ASTN1: variants seen among roughly 807,000 people sequenced by gnomAD.
The protein encoded by ASTN1 is astrotactin 1.
In ASTN1, 41 loss-of-function variants were observed where a neutral mutation model predicts 140.7. That is an observed-to-expected ratio of 0.29 (90% CI 0.23 to 0.38). The LOEUF (loss-of-function observed/expected upper bound fraction) is 0.38. Ranked by LOEUF, ASTN1 falls within the 10% of genes least tolerant of loss-of-function variation. The pLI is 1.00. For synonymous variants in ASTN1, 640 were observed against 652.2 expected, an observed-to-expected ratio of 0.98 and a Z score of 0.29; for missense variants, 1,479 against 1,678.8, an observed-to-expected ratio of 0.88 and a Z score of 2.08.
chr1:177,044,738 C>T (rs770660093), intron 2 of ASTN1, among the ~76,000 whole-genome samples: 6 of 152,192 alleles, frequency 3.9e-5, no homozygotes, highest in Non-Finnish European at 5.9e-5. Flanking sequence ...CTGACAAGGC[C>T]GACATCATCC....
At chr1:176,942,823 T>C (rs1472153067) in intron 14 of ASTN1, among the ~76,000 whole-genome samples, 1 of 10,454 alleles carries the variant, frequency 9.6e-5, no homozygotes, top group Non-Finnish European at 1.9e-4. Flanking sequence ...TGTGTGTGTA[T>C]ATATATATAT....
chr1:176,930,931 A>T (rs542888168), intron 16 of ASTN1, among the ~76,000 whole-genome samples: 20 of 152,264 alleles, frequency 1.3e-4, no homozygotes, highest in African/African-American at 4.8e-4. Flanking sequence ...GAGTTCAGTG[A>T]CTGAAGAGGT....
At chr1:176,883,654 A>G (rs1224984806) in intron 19 of ASTN1, among the ~76,000 whole-genome samples, 1 of 152,182 alleles carries the variant, frequency 6.6e-6, no homozygotes, top group East Asian at 1.9e-4. Flanking sequence ...GTATGTCTCT[A>G]ACCCTCAGTG....
At chr1:177,068,091 G>A (rs1213226827) in intron 1 of ASTN1, among the ~76,000 whole-genome samples, 10 of 152,186 alleles carry the variant, frequency 6.6e-5, no homozygotes, top group African/African-American at 9.7e-5. Context: ...TATTGGCCTG[G>A]CTAAGTGAAC....
intron 8 of ASTN1, among the ~76,000 whole-genome samples, chr1:176,996,498 T>C (rs183329765): frequency 1.3e-5 from 2 of 152,292 alleles, no homozygotes; most frequent in East Asian, 1.9e-4. Flanking sequence ...TCTGTACTGC[T>C]GGCCCTAGGA....
At chr1:176,867,663 C>T (rs1304536894) in intron 22 of ASTN1, among the ~76,000 whole-genome samples, 1 of 152,104 alleles carries the variant, frequency 6.6e-6, no homozygotes, top group Admixed American at 6.6e-5. Flanking sequence ...CACATAAAAT[C>T]ATTTTATTTC....
intron 5 of ASTN1, among the ~76,000 whole-genome samples, chr1:177,027,144 G>A (rs575772300): frequency 6.6e-6 from 1 of 152,224 alleles, no homozygotes; most frequent in South Asian, 2.1e-4. Flanking sequence ...AGGCCATTTT[G>A]TCACCTTGTC....
In ASTN1 at chr1:176,863,396, C is replaced by T; in HGVS notation, c.*888G>A. On this transcript the variant is annotated 3_prime_UTR_variant, in exon 23 of 23. Transcript: ENST00000361833. ...GTGTGGGGGTTAAAGATAATCCAGG[C>T]ACATGGATATATATTGGTAGGCTGG... 3 of 985,782 alleles carry T rather than the reference C, an allele frequency of 3.0e-6. No individual in the cohort carries two copies. Among genetic ancestry groups the T allele is most frequent in the Non-Finnish European group, 3.6e-6 (3 of 829,896 alleles). 61.1% of individuals were successfully genotyped at this position (985,782 alleles called of 1,614,324 possible). A position where few individuals can be genotyped will look rare whatever the true frequency, so the allele number is the denominator to read the frequency against.
chr1:177,045,027 C>G (rs1340606382), intron 2 of ASTN1, among the ~76,000 whole-genome samples: 1 of 151,816 alleles, frequency 6.6e-6, no homozygotes, highest in Non-Finnish European at 1.5e-5. Context: ...TATCCCTGAA[C>G]CTTTGTTCTC....
rs544478210 is a variant in ASTN1, at chr1:177,138,886, A to G, written c.283+25508T>C. ...GAAAAGTACTATCTCTCCCATACAG[A>G]TGAGACAACCAATGTTCAGGAGCTT... On this transcript the variant is annotated intron_variant, in intron 1 of 22. Coordinates refer to ENST00000361833, the MANE Select transcript of ASTN1 (RefSeq NM_004319.3). Among the ~76,000 whole-genome samples, 16 of 152,330 alleles carry G rather than the reference A, an allele frequency of 1.1e-4. No individual in the cohort carries two copies. In the East Asian group the frequency reaches 2.3e-3, roughly 22 times the overall value.
chr1:176,905,176 A>G (rs952384117), intron 16 of ASTN1, among the ~76,000 whole-genome samples: 7 of 152,158 alleles, frequency 4.6e-5, no homozygotes, highest in African/African-American at 1.7e-4. Context: ...AAAGGGTAAA[A>G]CTGACAAACT....
In ASTN1 at chr1:176,999,455, A is replaced by C. The variant is rs1571627348; in HGVS notation, c.1523+15336T>G. ...AGACAGGATGAAATCTTTGAAATGG[A>C]CTAGATGGAAATATGTTCAATGATC... On this transcript the variant is annotated intron_variant, in intron 8 of 22. Transcript: ENST00000361833. Among the ~76,000 whole-genome samples the C allele has an allele frequency of 2.6e-5, 4 of 152,334 alleles. No homozygotes were observed. The South Asian group carries it at 8.3e-4, about 32-fold the overall frequency.
chr1:176,950,762 G>T (rs1343180157), intron 11 of ASTN1, among the ~76,000 whole-genome samples: 1 of 152,106 alleles, frequency 6.6e-6, no homozygotes, highest in Non-Finnish European at 1.5e-5. Context: ...TGACTCCAAT[G>T]CTGGGGCTTT....
intron 8 of ASTN1, among the ~76,000 whole-genome samples, chr1:176,984,775 A>G (rs1673807871): frequency 6.6e-6 from 1 of 152,280 alleles, no homozygotes; most frequent in Admixed American, 6.5e-5. Flanking sequence ...CTTCCTTGCT[A>G]TAGTTATTAG....
At chr1:176,903,327 C>G (rs1021944783) in intron 16 of ASTN1, among the ~76,000 whole-genome samples, 2 of 151,904 alleles carry the variant, frequency 1.3e-5, no homozygotes, top group African/African-American at 4.8e-5. Flanking sequence ...TTTTTGAGAG[C>G]TACTCTGCTC....
intron 8 of ASTN1, among the ~76,000 whole-genome samples, chr1:176,989,963 G>C (rs1480814119): frequency 6.6e-6 from 1 of 151,784 alleles, no homozygotes; most frequent in African/African-American, 2.4e-5. Context: ...GCTCTTTCTG[G>C]CTCCAAAAGG....
At chr1:177,131,034 C>G (rs558842691) in intron 1 of ASTN1, among the ~76,000 whole-genome samples, 2 of 152,204 alleles carry the variant, frequency 1.3e-5, no homozygotes, top group Non-Finnish European at 2.9e-5. Context: ...ACCTTCCCCT[C>G]AAGTCACCAG....
intron 12 of ASTN1, among the ~76,000 whole-genome samples, chr1:176,948,856 A>G (rs1252300095): frequency 6.6e-6 from 1 of 152,246 alleles, no homozygotes; most frequent in African/African-American, 2.4e-5. Flanking sequence ...CTTAATTAAC[A>G]TAGCCTTTCA....
intron 1 of ASTN1, among the ~76,000 whole-genome samples, chr1:177,133,089 C>G (rs1571831207): frequency 6.6e-6 from 1 of 152,280 alleles, no homozygotes; most frequent in East Asian, 1.9e-4. Context: ...TGTGCCTGTC[C>G]AGCTGAATCC....
Sources: gnomAD v4.1 joint callset for allele counts (sites outside exome capture counted in the v4.1 genomes callset) on GRCh38, gnomAD v4.1.1 for gene constraint, MANE v1.5 for transcripts, NCBI Gene and HGNC (gene_info 2026-07-23, HGNC 2026-07-21) for gene names.